Variants in EHBP1L1 observed in about 807,000 individuals in gnomAD.
The protein encoded by EHBP1L1 is EH domain binding protein 1 like 1.
Under a neutral mutation model 151.1 loss-of-function variants are expected in EHBP1L1, and 122 were observed. The observed-to-expected ratio is 0.81, with a 90% CI of 0.70 to 0.94. The LOEUF (loss-of-function observed/expected upper bound fraction) is 0.94, where lower values mean the gene tolerates loss of function less well. Ranked by LOEUF, EHBP1L1 falls within the 40% of genes least tolerant of loss-of-function variation. EHBP1L1 has a pLI of 0.00. For missense variants in EHBP1L1, 1,941 were observed against 1,959.8 expected (o/e 0.99, Z 0.18); for synonymous variants, 878 against 810.1 (o/e 1.08, Z -1.42).
chr11:65,580,866 G>T, intron 6 of EHBP1L1, 192 bp from the exon 7 acceptor site: 1 of 1,361,542 alleles, frequency 7.3e-7, no homozygotes, highest in South Asian at 1.6e-5. Flanking sequence ...CTTTTTCTCT[G>T]TCCACTGTTG....
rs1055324938 is a variant in EHBP1L1, at chr11:65,585,388, G to T, written c.3730G>T (p.Gly1244Trp). The change falls in exon 12 of 19, where the codon GGG becomes TGG. Residue 1244 changes from glycine (G) to tryptophan (W), a missense_variant. Transcript: ENST00000309295. This position sits in a 1 kb window ranked among gnomAD's most constrained non-coding sequence, Gnocchi z 4.0. Reference protein sequence around the residue: ...VPAEGLVNGAGAPGGGGVRLR... With the variant: ...VPAEGLVNGAWAPGGGGVRLR... The stretch of plus-strand genomic sequence containing the variant: ...GGCCGAGGGGCTGGTGAACGGGGCG[G>T]GGGCACCGGGCGGCGGCGGCGTGAG... 130 of 1,301,662 alleles carry T rather than the reference G, an allele frequency of 1.0e-4. No individual in the cohort carries two copies. The African/African-American group carries it at 2.0e-3, about 20-fold the overall frequency. The allele number at this position is 1,301,662 out of a possible 1,614,324, so 80.6% of individuals were successfully genotyped here. A position where few individuals can be genotyped will look rare whatever the true frequency, so the allele number is the denominator to read the frequency against.
intron 12 of EHBP1L1, among the ~76,000 whole-genome samples, chr11:65,588,794 G>A: frequency 6.6e-6 from 1 of 152,236 alleles, no homozygotes; most frequent in Non-Finnish European, 1.5e-5. Context: ...AAAATTCAAA[G>A]ATCCAGCCAG....
chr11:65,580,564 G>A lies in EHBP1L1; in HGVS notation c.634+85G>A, dbSNP rs181296537. 4,722 of 1,529,454 alleles carry A rather than the reference G, an allele frequency of 3.1e-3. 41 individuals are homozygous for A. In the Middle Eastern group the frequency reaches 0.057, roughly 18 times the overall value. The allele number at this position is 1,529,454 out of a possible 1,614,324, so 94.7% of individuals were successfully genotyped here. On this transcript the variant is annotated intron_variant, in intron 6 of 18. Transcript: ENST00000309295. ...GGGCCACCAGCCACTTGCTGTGCCCGCCCTGTGATGGGAACTCATTACTGC... is the reference window on the plus strand; with the variant it reads ...GGGCCACCAGCCACTTGCTGTGCCCACCCTGTGATGGGAACTCATTACTGC...
chr11:65,582,801 G>A lies in EHBP1L1; in HGVS notation c.2129G>A (p.Arg710Lys). The change falls in exon 9 of 19, where the codon AGG becomes AAG. Residue 710 changes from arginine (R) to lysine (K), a missense_variant. Transcript: ENST00000309295. ...CAGGAGACAGAGGTGGAAGCTTCTAGGGTACCAGAGTCAGAGGCTGAGGGG... is the reference window on the plus strand; with the variant it reads ...CAGGAGACAGAGGTGGAAGCTTCTAAGGTACCAGAGTCAGAGGCTGAGGGG... ...GTQETEVEASRVPESEAEGTE... is the reference protein window; with the variant it reads ...GTQETEVEASKVPESEAEGTE... The A allele has an allele frequency of 6.2e-7, 1 of 1,613,630 alleles. No individual in the cohort carries two copies. The highest frequency in any genetic ancestry group is 1.1e-5 in the South Asian group (1 of 91,084).
rs1348219857 is a variant in EHBP1L1, at chr11:65,589,735, G to A, written c.3934-16G>A. ...GGGAAACCCCTCCCAGCCCTCACTG[G>A]CCCCTTCTTCCACAGGAAGGCCAGG... On this transcript the variant is annotated splice_polypyrimidine_tract_variant and intron_variant, in intron 12 of 18. Coordinates refer to ENST00000309295, the MANE Select transcript of EHBP1L1 (RefSeq NM_001099409.3). 1.0e-5 allele frequency: 16 copies of A among 1,526,584 alleles called. No individual in the cohort carries two copies. Among genetic ancestry groups the A allele is most frequent in the African/African-American group, 2.8e-5 (2 of 72,106 alleles). 94.6% of individuals were successfully genotyped at this position (1,526,584 alleles called of 1,614,324 possible).
chr11:65,581,506 G>GC (rs1175502407), intron 8 of EHBP1L1, 33 bp from the exon 9 acceptor site: 10 of 1,434,202 alleles, frequency 7.0e-6, no homozygotes, highest in Non-Finnish European at 8.3e-6. Context: ...GGCCAAAGCA[G>GC]CCCCCCAACT....
At position 65,582,701 on chromosome 11, in the gene EHBP1L1, G is replaced by C. The variant is rs2135270021; in HGVS notation, c.2029G>C (p.Val677Leu). Residue 677 changes from valine to leucine, a missense_variant, in exon 9 of 19, where the codon GTG becomes CTG. By Grantham distance (32) the Val-to-Leu change is conservative (BLOSUM62 1). Transcript: ENST00000309295. Reference sequence around the variant, plus strand: ...TACGATAGCAGAGACTGAGGTACTGGTGACCCAGGAGATATCTGGGGATTT... The same window carrying C: ...TACGATAGCAGAGACTGAGGTACTGCTGACCCAGGAGATATCTGGGGATTT... ...RTTIAETEVL[V>L]TQEISGDLGP... is the part of the protein sequence containing the mutation. The C allele has an allele frequency of 6.2e-7, 1 of 1,613,666 alleles. No individual in the cohort carries two copies. The highest frequency in any genetic ancestry group is 2.2e-5 in the East Asian group (1 of 44,884).
chr11:65,585,454 C>G lies in EHBP1L1; in HGVS notation c.3796C>G (p.Pro1266Ala), dbSNP rs1360452936. The G allele has an allele frequency of 3.3e-6, 5 of 1,523,094 alleles. No individual in the cohort carries two copies. The Admixed American group carries it at 6.0e-5, about 18-fold the overall frequency. 94.3% of individuals were successfully genotyped at this position (1,523,094 alleles called of 1,614,324 possible). A position where few individuals can be genotyped will look rare whatever the true frequency, so the allele number is the denominator to read the frequency against. The stretch of plus-strand genomic sequence containing the variant: ...GGTCAACGGGGAGCCCGGGTCGGTG[C>G]CCCCGCCCCGCGCGCACGGCTCCTT... ...PSVNGEPGSV[P>A]PPRAHGSFSH... is the part of the protein sequence containing the mutation. Residue 1266 changes from proline to alanine, a missense_variant, in exon 12 of 19, where the codon CCC (proline) becomes GCC (alanine). Coordinates refer to ENST00000309295, the MANE Select transcript of EHBP1L1 (RefSeq NM_001099409.3). This position sits in a 1 kb window ranked among gnomAD's most constrained non-coding sequence, Gnocchi z 4.0.
At chr11:65,579,272 T>G (rs1590813152) in intron 2 of EHBP1L1, 69 bp from the exon 3 acceptor site, 1 of 1,478,770 alleles carries the variant, frequency 6.8e-7, no homozygotes, top group African/African-American at 1.4e-5. Context: ...GGTGTCAAGG[T>G]TGGTGATAGG....
Position 65,585,466 on chromosome 11 carries a change from G to A in EHBP1L1, c.3808G>A (p.Ala1270Thr). Residue 1270 changes from alanine (A) to threonine (T), a missense_variant, in exon 12 of 19, where the codon GCG (alanine) becomes ACG (threonine). Transcript: ENST00000309295. This position sits in a 1 kb window ranked among gnomAD's most constrained non-coding sequence, Gnocchi z 4.0. Reference protein sequence around the residue: ...GEPGSVPPPRAHGSFSHVRDA... With the variant: ...GEPGSVPPPRTHGSFSHVRDA... ...GCCCGGGTCGGTGCCCCCGCCCCGC[G>A]CGCACGGCTCCTTCTCCCACGTGCG... The A allele has an allele frequency of 2.0e-6, 3 of 1,532,284 alleles. No individual in the cohort carries two copies. Among genetic ancestry groups the A allele is most frequent in the Non-Finnish European group, 2.6e-6 (3 of 1,144,772 alleles). The allele number at this position is 1,532,284 out of a possible 1,614,324, so 94.9% of individuals were successfully genotyped here. A position where few individuals can be genotyped will look rare whatever the true frequency, so the allele number is the denominator to read the frequency against.
At chr11:65,588,125 A>C (rs1858069342) in intron 12 of EHBP1L1, among the ~76,000 whole-genome samples, 1 of 151,448 alleles carries the variant, frequency 6.6e-6, no homozygotes, top group African/African-American at 2.4e-5. Context: ...GGATCAGAGG[A>C]GGCTTCTGGA....
At chr11:65,576,858 T>G (rs1857355171) in intron 1 of EHBP1L1, among the ~76,000 whole-genome samples, 1 of 152,044 alleles carries the variant, frequency 6.6e-6, no homozygotes, top group Non-Finnish European at 1.5e-5. Context: ...GCCATCTTGT[T>G]GAGCCAGAAG....
intron 1 of EHBP1L1, 29 bp from the exon 2 acceptor site, chr11:65,579,049 C>CTT (rs1857457442): frequency 6.4e-7 from 1 of 1,562,414 alleles, no homozygotes; most frequent in South Asian, 1.2e-5. Context: ...AGCCTGCTCC[C>CTT]TTTCTCCCTC....
chr11:65,576,087 C>G lies in EHBP1L1; in HGVS notation c.-216C>G. Reference sequence around the variant, plus strand: ...CGCGCTCCCAGCTCCGCGCTCGCCACCCGACGCGCCCCAGGCGACCCCGCA... The same window carrying G: ...CGCGCTCCCAGCTCCGCGCTCGCCAGCCGACGCGCCCCAGGCGACCCCGCA... On this transcript the variant is annotated 5_prime_UTR_variant, in exon 1 of 19. Transcript: ENST00000309295. 1 of 330,982 alleles carries G rather than the reference C, an allele frequency of 3.0e-6. No homozygotes were observed. The highest frequency in any genetic ancestry group is 4.9e-5 in the Admixed American group (1 of 20,290). 20.5% of individuals were successfully genotyped at this position (330,982 alleles called of 1,614,324 possible).
At chr11:65,580,848 T>C (rs1472685797) in intron 6 of EHBP1L1, 6 of 1,280,788 alleles carry the variant, frequency 4.7e-6, no homozygotes, top group Non-Finnish European at 6.2e-6. Flanking sequence ...CCCTGCTGCT[T>C]GTCCAGGCTT....
At chr11:65,580,504 C>G in intron 6 of EHBP1L1, 25 bp downstream of exon 6, 1 of 1,604,554 alleles carries the variant, frequency 6.2e-7, no homozygotes, top group South Asian at 1.1e-5. Context: ...TGCTGTGGAT[C>G]GAGACTGCCA....
rs536332698 is a variant in EHBP1L1 at position 65,585,471 on chromosome 11, C to T, written c.3813C>T (p.His1271=). The T allele has an allele frequency of 2.0e-6, 3 of 1,535,714 alleles. No individual in the cohort carries two copies. The African/African-American group carries it at 4.1e-5, about 21-fold the overall frequency. The change falls in exon 12 of 19, where the codon CAC becomes CAT. Residue 1271 remains histidine, a synonymous_variant. Coordinates refer to ENST00000309295, the MANE Select transcript of EHBP1L1 (RefSeq NM_001099409.3). This position sits in a 1 kb window ranked among gnomAD's most constrained non-coding sequence, Gnocchi z 4.0. ...EPGSVPPPRA[H]GSFSHVRDAD... Reference sequence around the variant, plus strand: ...GGTCGGTGCCCCCGCCCCGCGCGCACGGCTCCTTCTCCCACGTGCGCGACG... The same window carrying T: ...GGTCGGTGCCCCCGCCCCGCGCGCATGGCTCCTTCTCCCACGTGCGCGACG...
At position 65,584,402 on chromosome 11, in the gene EHBP1L1, A is replaced by C. The variant is rs1307858076; in HGVS notation, c.3251+4A>C. 1 of 1,613,038 alleles carries C rather than the reference A, an allele frequency of 6.2e-7. No individual in the cohort carries two copies. Among genetic ancestry groups the C allele is most frequent in the African/African-American group, 1.3e-5 (1 of 74,852 alleles). Reference sequence around the variant, plus strand: ...ACCGATTCTACCCAGACAAGATGTGAGCTGCCAGAGGGGTGGGAACGAATG... The same window carrying C: ...ACCGATTCTACCCAGACAAGATGTGCGCTGCCAGAGGGGTGGGAACGAATG... On this transcript the variant is annotated splice_donor_region_variant and intron_variant, in intron 10 of 18. Coordinates refer to ENST00000309295, the MANE Select transcript of EHBP1L1 (RefSeq NM_001099409.3).
In EHBP1L1 at chr11:65,583,283, A is replaced by G; in HGVS notation, c.2611A>G (p.Ile871Val). The change falls in exon 9 of 19, where the codon ATT (isoleucine) becomes GTT (valine). Residue 871 changes from isoleucine to valine, a missense_variant. Ile to Val is a conservative substitution (Grantham distance 29). Transcript: ENST00000309295. ...AGTACTGATGACCCGTAAGACAGAA[A>G]TTATAGTTCCAGAGGCTGAGAAGGA... ...ARVLMTRKTE[I>V]IVPEAEKEEA... 1.9e-6 allele frequency: 3 copies of G among 1,613,628 alleles called. No individual in the cohort carries two copies. Among genetic ancestry groups the G allele is most frequent in the Non-Finnish European group, 2.5e-6 (3 of 1,179,802 alleles).
Sources: gnomAD v4.1 joint callset for allele counts (sites outside exome capture counted in the v4.1 genomes callset) on GRCh38, gnomAD v4.1.1 for gene constraint, Gnocchi (gnomAD v3.1) non-coding constraint, MANE v1.5 for transcripts, NCBI Gene and HGNC (gene_info 2026-07-23, HGNC 2026-07-21) for gene names.